CALHM4: variants seen among roughly 807,000 people sequenced by gnomAD.
CALHM4 encodes the protein calcium homeostasis modulator family member 4.
A neutral mutation model predicts 13.3 loss-of-function variants in CALHM4; 16 were observed. The observed-to-expected ratio is 1.20, with a 90% CI of 0.81 to 1.82. The LOEUF (loss-of-function observed/expected upper bound fraction) is 1.82. CALHM4 is among the 40% of genes most tolerant of loss of function. The pLI is 0.00. For synonymous variants in CALHM4, 127 were observed against 137.1 expected (o/e 0.93, Z 0.52); for missense variants, 344 against 374.9 (o/e 0.92, Z 0.68).
chr6:116,557,359 C>A (rs1774369516), intron 1 of CALHM4, among the ~76,000 whole-genome samples: 1 of 152,192 alleles, frequency 6.6e-6, no homozygotes, highest in African/African-American at 2.4e-5. Flanking sequence ...GTTGGTACAT[C>A]ATTGAAAATG....
At chr6:116,546,711 C>T (rs532314197) in intron 2 of CALHM4, among the ~76,000 whole-genome samples, 139 of 152,152 alleles carry the variant, frequency 9.1e-4, no homozygotes, top group African/African-American at 3.3e-3. Flanking sequence ...CGAGGCGTAC[C>T]GTAAAACACA....
intron 1 of CALHM4, among the ~76,000 whole-genome samples, chr6:116,554,913 A>G (rs1774241466): frequency 6.6e-6 from 1 of 152,176 alleles, no homozygotes; most frequent in Admixed American, 6.5e-5. Flanking sequence ...AGAAAGCCTG[A>G]ACCCTACTAC....
intron 1 of CALHM4, chr6:116,540,533 C>A (rs1409855048): frequency 2.1e-6 from 3 of 1,445,642 alleles, no homozygotes; most frequent in African/African-American, 2.8e-5. Context: ...TTTTAAGAAG[C>A]GATTTGTGTG....
chr6:116,541,204 T>G (rs960653702), intron 1 of CALHM4, among the ~76,000 whole-genome samples: 26 of 152,102 alleles, frequency 1.7e-4, no homozygotes, highest in African/African-American at 5.6e-4. Flanking sequence ...GCACACACTT[T>G]CAACAAGATA....
At chr6:116,538,319 G>A (rs1583291777) in intron 1 of CALHM4, among the ~76,000 whole-genome samples, 1 of 152,186 alleles carries the variant, frequency 6.6e-6, no homozygotes. Flanking sequence ...ACGGTATTGA[G>A]CATATTTCAG....
Position 116,543,369 on chromosome 6 carries a change from G to A in CALHM4, c.-108-396G>A, listed in dbSNP as rs1278652890. The A allele has an allele frequency of 9.7e-6, 15 of 1,549,804 alleles. No individual in the cohort carries two copies. The South Asian group carries it at 1.5e-4, about 16-fold the overall frequency. Reference sequence around the variant, plus strand: ...ATCCTTACACAGCTGGGCAACCAGAGCTCCATAGGTAAGGACAAAGAGATC... The same window carrying A: ...ATCCTTACACAGCTGGGCAACCAGAACTCCATAGGTAAGGACAAAGAGATC... On this transcript the variant is annotated intron_variant, in intron 1 of 2. Coordinates refer to the CALHM4 transcript ENST00000368597.
intron 1 of CALHM4, among the ~76,000 whole-genome samples, chr6:116,538,248 C>G (rs1016554861): frequency 7.2e-5 from 11 of 152,130 alleles, no homozygotes; most frequent in African/African-American, 2.4e-4. Flanking sequence ...CTGGAGAATC[C>G]TCCCATGTCA....
chr6:116,539,537 C>G (rs1405730388), intron 1 of CALHM4, among the ~76,000 whole-genome samples: 1 of 152,120 alleles, frequency 6.6e-6, no homozygotes, highest in Non-Finnish European at 1.5e-5. Context: ...GATAGTAACT[C>G]CAATTCTGCC....
At chr6:116,536,922 C>T (rs1773131493) in intron 1 of CALHM4, among the ~76,000 whole-genome samples, 1 of 151,810 alleles carries the variant, frequency 6.6e-6, no homozygotes, top group South Asian at 2.1e-4. Flanking sequence ...ATAATGCTGC[C>T]ACAGGCCCGA....
rs577517687 is a variant in CALHM4 at position 116,558,212 on chromosome 6, T to C, written c.*1T>C. The C allele has an allele frequency of 3.1e-6, 5 of 1,604,424 alleles. No homozygotes were observed. Among genetic ancestry groups the C allele is most frequent in the South Asian group, 1.1e-5 (1 of 90,424 alleles). ...AAGAGGTATTGAATTAAAACCTTGA[T>C]TACAGCACCTTTCATGAGTCAGGTT... On this transcript the variant is annotated 3_prime_UTR_variant, in exon 2 of 2. Coordinates refer to ENST00000368596, the MANE Select transcript of CALHM4 (RefSeq NM_001366078.2).
At chr6:116,530,926 T>TATATATATATATATATATATATAC (rs1772670405) in intron 1 of CALHM4, among the ~76,000 whole-genome samples, 4 of 142,820 alleles carry the variant, frequency 2.8e-5, no homozygotes, top group Admixed American at 2.1e-4. Context: ...TATATATATA[T>TATATATATATATATATATATATAC]ATATATATAT....
At chr6:116,535,200 A>T (rs2115209230) in intron 1 of CALHM4, among the ~76,000 whole-genome samples, 1 of 152,360 alleles carries the variant, frequency 6.6e-6, no homozygotes, top group South Asian at 2.1e-4. Context: ...AACACCTGAA[A>T]TTCAGAAGAA....
At chr6:116,550,019 TATATATACAC>T (rs1244790785), upstream of CALHM4, among the ~76,000 whole-genome samples, 15 of 74,388 alleles carry the variant, frequency 2.0e-4, no homozygotes, top group African/African-American at 6.8e-4. Flanking sequence ...TATATATATA[TATATATACAC>T]ACACACACAC....
rs191246414 is a variant in CALHM4 at position 116,558,916 on chromosome 6, C to T, written c.*705C>T. On this transcript the variant is annotated 3_prime_UTR_variant, in exon 2 of 2. Transcript: ENST00000368596. ...TAGTATCATGTTATTTGTAGCACCT[C>T]CATACTAGGAGCATTTTTATGGCCA... is the stretch of plus-strand genomic sequence containing the variant. 1 of 152,278 alleles carries T rather than the reference C, an allele frequency of 6.6e-6. No individual in the cohort carries two copies. Among genetic ancestry groups the T allele is most frequent in the Non-Finnish European group, 1.5e-5 (1 of 68,020 alleles). The allele number at this position is 152,278 out of a possible 1,614,324, so 9.4% of individuals were successfully genotyped here. A position where few individuals can be genotyped will look rare whatever the true frequency, so the allele number is the denominator to read the frequency against.
upstream of CALHM4, among the ~76,000 whole-genome samples, chr6:116,551,656 A>T (rs1316371260): frequency 6.6e-6 from 1 of 152,126 alleles, no homozygotes; most frequent in East Asian, 1.9e-4. Flanking sequence ...GGCTATTCTA[A>T]ATAGGGTTGC....
Position 116,553,829 on chromosome 6 carries a change from G to A in CALHM4, c.36G>A (p.Leu12=). 4 of 1,550,634 alleles carry A rather than the reference G, an allele frequency of 2.6e-6. No homozygotes were observed. The highest frequency in any genetic ancestry group is 3.5e-6 in the Non-Finnish European group (4 of 1,147,000). Residue 12 remains leucine, a synonymous_variant, in exon 1 of 2, where the codon CTG becomes CTA. Transcript: ENST00000368596. The part of the protein sequence containing the change: ...CPTLNNIVSS[L]QRNGIFINSL... ...CTCTCAACAATATTGTGTCTTCTCT[G>A]CAGAGAAATGGAATATTTATCAATT... is the stretch of plus-strand genomic sequence containing the variant.
chr6:116,536,695 T>C (rs1387317261), intron 1 of CALHM4, among the ~76,000 whole-genome samples: 1 of 152,162 alleles, frequency 6.6e-6, no homozygotes, highest in African/African-American at 2.4e-5. Flanking sequence ...GCTCAGTACT[T>C]GAGACGGATG....
chr6:116,557,773 A>T, intron 1 of CALHM4, 52 bp from the exon 2 acceptor site: 1 of 1,559,352 alleles, frequency 6.4e-7, no homozygotes, highest in South Asian at 1.2e-5. Flanking sequence ...CTGTTGCTTG[A>T]ATATTTGATG....
chr6:116,558,278 C>T lies in CALHM4; in HGVS notation c.*67C>T. 6.9e-7 allele frequency: 1 copy of T among 1,457,014 alleles called. No individual in the cohort carries two copies. The highest frequency in any genetic ancestry group is 1.4e-5 in the African/African-American group (1 of 70,986). 90.3% of individuals were successfully genotyped at this position (1,457,014 alleles called of 1,614,324 possible). ...GGCTTTTATGGCTTTTATGATCAGG[C>T]CATTTCAATGTAATCTCTTCATCTT... On this transcript the variant is annotated 3_prime_UTR_variant, in exon 2 of 2. Transcript: ENST00000368596.
Sources: allele counts gnomAD v4.1 joint callset (sites outside exome capture counted in the v4.1 genomes callset), GRCh38; gene constraint gnomAD v4.1.1; transcripts MANE v1.5; gene names NCBI Gene and HGNC (gene_info 2026-07-23, HGNC 2026-07-21).